The following REEP1 variants were observed in gnomAD, a reference collection of about 807,000 sequenced individuals.
The protein encoded by REEP1 is receptor accessory protein 1.
In REEP1, 22 loss-of-function variants were observed where a neutral mutation model predicts 40.3. The ratio of observed to expected loss-of-function variants is 0.55; its 90% CI spans 0.39 to 0.78. The LOEUF (loss-of-function observed/expected upper bound fraction) is 0.78. Among genes scored for constraint, REEP1 ranks in the 30% least tolerant of loss-of-function variants. REEP1 has a pLI of 0.00. For synonymous variants in REEP1, 116 were observed against 139.2 expected (o/e 0.83, Z 1.17); for missense variants, 280 against 361.1 (o/e 0.78, Z 1.82).
chr2:86,331,495 C>CT (rs1260718503), intron 1 of REEP1, among the ~76,000 whole-genome samples: 2 of 150,476 alleles, frequency 1.3e-5, no homozygotes, highest in Non-Finnish European at 3.0e-5. Flanking sequence ...CTAAGGCAGA[C>CT]TTTGAGCTGT....
intron 2 of REEP1, among the ~76,000 whole-genome samples, chr2:86,273,063 T>C (rs1158114442): frequency 6.6e-6 from 1 of 151,358 alleles, no homozygotes; most frequent in Non-Finnish European, 1.5e-5. Context: ...AGGTCAAGGC[T>C]GCAGTGCTGT....
intron 1 of REEP1, among the ~76,000 whole-genome samples, chr2:86,334,242 G>A (rs1358593332): frequency 6.6e-6 from 1 of 152,210 alleles, no homozygotes; most frequent in African/African-American, 2.4e-5. Flanking sequence ...CCATCAGCTT[G>A]TTGTGATACC....
At chr2:86,303,969 A>T (rs1387995228) in intron 1 of REEP1, among the ~76,000 whole-genome samples, 1 of 152,124 alleles carries the variant, frequency 6.6e-6, no homozygotes, top group Non-Finnish European at 1.5e-5. Context: ...GAAGGTGGCT[A>T]GGCTGGTGAC....
Position 86,297,350 on chromosome 2 carries a change from A to C in REEP1, c.33-15108T>G, listed in dbSNP as rs556965847. Among the ~76,000 whole-genome samples the C allele has an allele frequency of 4.8e-4, 73 of 152,342 alleles. 1 individual carries two copies. Among genetic ancestry groups the C allele is most frequent in the African/African-American group, 1.7e-3 (72 of 41,580 alleles). On this transcript the variant is annotated intron_variant, in intron 1 of 8. Coordinates refer to ENST00000538924, the MANE Select transcript of REEP1 (RefSeq NM_001371279.1). ...AGAGCCCAGAAGCCTCACTTGTTTT[A>C]TCTCCTCTGCAAAATGTGGTGTCAA...
chr2:86,220,145 A>C (rs931547025), intron 7 of REEP1, 24 bp from the exon 8 acceptor site: 22 of 1,229,548 alleles, frequency 1.8e-5, no homozygotes, highest in Non-Finnish European at 2.2e-5. Flanking sequence ...TACAATCTAC[A>C]CAGATGAGAC....
intron 5 of REEP1, among the ~76,000 whole-genome samples, chr2:86,235,536 A>G (rs1353229776): frequency 6.6e-6 from 1 of 152,220 alleles, no homozygotes; most frequent in Non-Finnish European, 1.5e-5. Flanking sequence ...AAAGCTGCCT[A>G]AGACACAAAG....
intron 1 of REEP1, among the ~76,000 whole-genome samples, chr2:86,322,493 C>T: frequency 6.6e-6 from 1 of 152,192 alleles, no homozygotes; most frequent in East Asian, 1.9e-4. Flanking sequence ...CATCTTTCAA[C>T]CTCAGCCTCC....
chr2:86,333,529 C>T (rs1316583898), intron 1 of REEP1, among the ~76,000 whole-genome samples: 1 of 152,232 alleles, frequency 6.6e-6, no homozygotes, highest in Non-Finnish European at 1.5e-5. Context: ...ATGTAGTGAG[C>T]TGGGGTTTTA....
intron 6 of REEP1, among the ~76,000 whole-genome samples, chr2:86,232,332 CCTAGACA>C: frequency 6.6e-6 from 1 of 152,210 alleles, no homozygotes; most frequent in Admixed American, 6.5e-5. Context: ...CCAGGCTTTG[CCTAGACA>C]CTAGCCCCCA....
chr2:86,235,311 G>A (rs183972716), intron 5 of REEP1, among the ~76,000 whole-genome samples: 8 of 152,300 alleles, frequency 5.3e-5, no homozygotes, highest in Middle Eastern at 3.4e-3. Flanking sequence ...TTCAACAGCT[G>A]AGTGATCTTA....
intron 1 of REEP1, among the ~76,000 whole-genome samples, chr2:86,298,767 T>A (rs1679119080): frequency 6.6e-6 from 1 of 152,204 alleles, no homozygotes; most frequent in Non-Finnish European, 1.5e-5. Context: ...ACCCTTGCCA[T>A]GGTACATTCC....
intron 1 of REEP1, among the ~76,000 whole-genome samples, chr2:86,282,596 G>A (rs532516982): frequency 1.3e-5 from 2 of 152,174 alleles, no homozygotes; most frequent in African/African-American, 4.8e-5. Flanking sequence ...GCTCTGTTAA[G>A]CCTGCAAACA....
At position 86,216,740 on chromosome 2, in the gene REEP1, T is replaced by C; in HGVS notation, c.*299A>G. On this transcript the variant is annotated 3_prime_UTR_variant, in exon 9 of 9. Transcript: ENST00000538924. The stretch of plus-strand genomic sequence containing the variant: ...CATAGGGGTGATTCTCTTATCTTTC[T>C]AAAAAACACACTGCTGTCTATAATG... 1 of 351,096 alleles carries C rather than the reference T, an allele frequency of 2.8e-6. No homozygotes were observed. The highest frequency in any genetic ancestry group is 5.3e-6 in the Non-Finnish European group (1 of 187,806). The allele number at this position is 351,096 out of a possible 1,614,324, so 21.7% of individuals were successfully genotyped here. A position where few individuals can be genotyped will look rare whatever the true frequency, so the allele number is the denominator to read the frequency against.
At chr2:86,279,082 G>C (rs539554482) in intron 2 of REEP1, among the ~76,000 whole-genome samples, 1 of 152,278 alleles carries the variant, frequency 6.6e-6, no homozygotes, top group Non-Finnish European at 1.5e-5. Flanking sequence ...GCCCTACATG[G>C]CATGCCATGC....
At chr2:86,288,238 G>A (rs1465790469) in intron 1 of REEP1, among the ~76,000 whole-genome samples, 2 of 151,964 alleles carry the variant, frequency 1.3e-5, no homozygotes, top group Non-Finnish European at 2.9e-5. Context: ...GGCCAAGCTG[G>A]TCTTGAACTC....
At chr2:86,226,111 C>CCATCAT (rs1227808542) in intron 7 of REEP1, among the ~76,000 whole-genome samples, 7 of 141,036 alleles carry the variant, frequency 5.0e-5, no homozygotes, top group African/African-American at 1.8e-4. Flanking sequence ...ACCACCACCA[C>CCATCAT]CACCATCATC....
chr2:86,277,794 A>G (rs1486884603), intron 2 of REEP1, among the ~76,000 whole-genome samples: 1 of 152,198 alleles, frequency 6.6e-6, no homozygotes, highest in Non-Finnish European at 1.5e-5. Flanking sequence ...GGTGTCCAGC[A>G]TGTCCTTCTG....
intron 2 of REEP1, among the ~76,000 whole-genome samples, chr2:86,265,510 A>C (rs144497648): frequency 3.3e-5 from 5 of 152,218 alleles, no homozygotes; most frequent in Admixed American, 2.6e-4. Context: ...GAAGGCAAAA[A>C]AAAATCTACA....
chr2:86,315,132 C>T (rs979953509), intron 1 of REEP1, among the ~76,000 whole-genome samples: 1 of 151,988 alleles, frequency 6.6e-6, no homozygotes, highest in Admixed American at 6.5e-5. Context: ...TCAGAGTAGC[C>T]GGGACTCTTA....
Sources: allele counts gnomAD v4.1 joint callset (sites outside exome capture counted in the v4.1 genomes callset), GRCh38; gene constraint gnomAD v4.1.1; transcripts MANE v1.5; gene names NCBI Gene and HGNC (gene_info 2026-07-23, HGNC 2026-07-21).